Variants in SPATA6 observed in about 807,000 individuals in gnomAD.
SPATA6 encodes the protein spermatogenesis-associated protein 6.
SPATA6 carries 56 observed loss-of-function variants against 65.3 expected under a neutral mutation model. The ratio of observed to expected loss-of-function variants is 0.86; its 90% CI spans 0.69 to 1.07. The LOEUF is 1.07. Among genes scored for constraint, SPATA6 ranks in the 50% least tolerant of loss-of-function variants. The pLI, the probability that SPATA6 is intolerant of heterozygous loss-of-function variation, is 0.00. For synonymous variants in SPATA6, 199 were observed against 213.2 expected (o/e 0.93, Z 0.58); for missense variants, 590 against 594.8 (o/e 0.99, Z 0.08).
At chr1:48,381,433 TTC>T (rs1304563450) in intron 9 of SPATA6, among the ~76,000 whole-genome samples, 1 of 152,168 alleles carries the variant, frequency 6.6e-6, no homozygotes, top group Non-Finnish European at 1.5e-5. Context: ...ACCTAGATGA[TTC>T]TGTCACTGGT....
the SPATA6 span, among the ~76,000 whole-genome samples, chr1:48,271,567 C>T: frequency 5.9e-5 from 9 of 152,110 alleles, no homozygotes; most frequent in African/African-American, 1.9e-4. Context: ...GCTGGCCCTT[C>T]GATGTGTTTT....
the SPATA6 span, among the ~76,000 whole-genome samples, chr1:48,285,420 C>T: frequency 6.6e-6 from 1 of 151,416 alleles, no homozygotes; most frequent in South Asian, 2.1e-4. Context: ...CTTCAGCCCC[C>T]TTTCCAGGGG....
chr1:48,312,616 T>C (rs1347729229), intron 11 of SPATA6, among the ~76,000 whole-genome samples: 1 of 151,968 alleles, frequency 6.6e-6, no homozygotes, highest in African/African-American at 2.4e-5. Flanking sequence ...GCAGAAAAAC[T>C]GAAAATTCTA....
intron 8 of SPATA6, among the ~76,000 whole-genome samples, chr1:48,387,387 C>T (rs1649586568): frequency 6.6e-6 from 1 of 152,174 alleles, no homozygotes; most frequent in African/African-American, 2.4e-5. Flanking sequence ...AGACTGTGCA[C>T]TATCCTGAAG....
chr1:48,428,809 GTA>G (rs1553169231), intron 3 of SPATA6, among the ~76,000 whole-genome samples: 4 of 137,664 alleles, frequency 2.9e-5, no homozygotes, highest in East Asian at 2.1e-4. Flanking sequence ...GTGTGTGTGT[GTA>G]TATGTATATA....
the SPATA6 span, among the ~76,000 whole-genome samples, chr1:48,263,684 C>A: frequency 6.6e-6 from 1 of 152,272 alleles, no homozygotes; most frequent in East Asian, 1.9e-4. Context: ...TCTCTCCATC[C>A]TTTGAACTCA....
In SPATA6 at chr1:48,406,455, C is replaced by T. The variant is rs371980179; in HGVS notation, c.406-2573G>A. Among the ~76,000 whole-genome samples, 23 of 152,118 alleles carry T rather than the reference C, an allele frequency of 1.5e-4. 1 individual carries two copies. The highest frequency in any genetic ancestry group is 5.1e-4 in the African/African-American group (21 of 41,428). On this transcript the variant is annotated intron_variant, in intron 5 of 12. Transcript: ENST00000371847. ...CAAATAACTTAGCACCATAATCTAG[C>T]CAAATTGAAACATAAGATTAATCAT...
intron 3 of SPATA6, among the ~76,000 whole-genome samples, chr1:48,445,611 G>A (rs1265468716): frequency 1.6e-5 from 2 of 124,266 alleles, no homozygotes; most frequent in Admixed American, 1.1e-4. Flanking sequence ...AGTGAGCCGA[G>A]ATCACGCCGC....
rs1294518552 is a variant in SPATA6, at chr1:48,305,698, G to A, written c.1286+89C>T. The A allele has an allele frequency of 6.5e-6, 6 of 916,974 alleles. No individual in the cohort carries two copies. In the African/African-American group the frequency reaches 6.9e-5, roughly 11 times the overall value. The allele number at this position is 916,974 out of a possible 1,614,324, so 56.8% of individuals were successfully genotyped here. A position where few individuals can be genotyped will look rare whatever the true frequency, so the allele number is the denominator to read the frequency against. On this transcript the variant is annotated intron_variant, in intron 12 of 12. Coordinates refer to ENST00000371847, the MANE Select transcript of SPATA6 (RefSeq NM_019073.4). ...AGAAATAAATACTAATTATCCTTTT[G>A]AGTCTAAATTTCCCATAAATTCAGC...
chr1:48,363,278 C>T (rs1018677562), intron 9 of SPATA6, among the ~76,000 whole-genome samples: 5 of 152,108 alleles, frequency 3.3e-5, no homozygotes, highest in East Asian at 1.9e-4. Context: ...TGTGAGTTTC[C>T]GTTAGATCAT....
At chr1:48,353,532 C>CA (rs796230590) in intron 11 of SPATA6, among the ~76,000 whole-genome samples, 2 of 148,710 alleles carry the variant, frequency 1.3e-5, no homozygotes, top group South Asian at 4.2e-4. Context: ...ATATACTAGA[C>CA]AAAAAAAGCT....
At chr1:48,301,783 A>G (rs1644945715) in intron 12 of SPATA6, among the ~76,000 whole-genome samples, 1 of 152,168 alleles carries the variant, frequency 6.6e-6, no homozygotes, top group African/African-American at 2.4e-5. Context: ...TGGGGAAAGG[A>G]CAGTCTTTTC....
intron 11 of SPATA6, among the ~76,000 whole-genome samples, chr1:48,316,270 T>A (rs529481451): frequency 2.0e-5 from 3 of 152,158 alleles, no homozygotes; most frequent in Non-Finnish European, 4.4e-5. Flanking sequence ...TCACGCTACC[T>A]GACTTCAAAC....
At chr1:48,426,873 TG>T (rs1217605032) in intron 3 of SPATA6, among the ~76,000 whole-genome samples, 1 of 150,794 alleles carries the variant, frequency 6.6e-6, no homozygotes, top group Non-Finnish European at 1.5e-5. Flanking sequence ...AAAACATAGA[TG>T]TAAGATGATA....
At chr1:48,423,101 ACCT>A (rs1653503325) in intron 3 of SPATA6, among the ~76,000 whole-genome samples, 1 of 152,190 alleles carries the variant, frequency 6.6e-6, no homozygotes, top group East Asian at 1.9e-4. Context: ...TCAAATAAAT[ACCT>A]ATTACATGAT....
chr1:48,384,007 C>T (rs1465930495), intron 9 of SPATA6, among the ~76,000 whole-genome samples: 18 of 151,134 alleles, frequency 1.2e-4, no homozygotes, highest in Non-Finnish European at 2.1e-4. Flanking sequence ...GTGGTTGCAG[C>T]GAGCGGAGAT....
chr1:48,313,114 C>T (rs1645275667), intron 11 of SPATA6, among the ~76,000 whole-genome samples: 1 of 152,148 alleles, frequency 6.6e-6, no homozygotes. Context: ...AGTTGGAAAA[C>T]ACTCCACAGG....
intron 11 of SPATA6, among the ~76,000 whole-genome samples, chr1:48,353,125 A>G (rs1201167160): frequency 6.6e-6 from 1 of 151,954 alleles, no homozygotes; most frequent in African/African-American, 2.4e-5. Context: ...ATAATATGTG[A>G]TTAAAATAAG....
intron 5 of SPATA6, among the ~76,000 whole-genome samples, chr1:48,409,605 G>T (rs1415503666): frequency 2.6e-5 from 4 of 152,154 alleles, no homozygotes; most frequent in Non-Finnish European, 4.4e-5. Context: ...TGAGCACCTC[G>T]CCCCTGCAGC....
Sources: allele counts gnomAD v4.1 joint callset (sites outside exome capture counted in the v4.1 genomes callset), GRCh38; gene constraint gnomAD v4.1.1; transcripts MANE v1.5; gene names NCBI Gene and HGNC (gene_info 2026-07-23, HGNC 2026-07-21).